TG: variants seen among roughly 807,000 people sequenced by gnomAD.
TG encodes thyroglobulin, also known as thyroid hormones.
A neutral mutation model predicts 324.7 loss-of-function variants in TG; 270 were observed. The ratio of observed to expected loss-of-function variants is 0.83; its 90% CI spans 0.75 to 0.92. The LOEUF (loss-of-function observed/expected upper bound fraction) is 0.92. Among genes scored for constraint, TG ranks in the 40% least tolerant of loss-of-function variants. TG has a pLI of 0.00. For missense variants in TG, 3,591 were observed against 3,456.4 expected, an observed-to-expected ratio of 1.04 and a Z score of -0.98; for synonymous variants, 1,401 against 1,327.0, an observed-to-expected ratio of 1.06 and a Z score of -1.21.
rs146191554 is a variant in TG at position 133,113,447 on chromosome 8, C to G, written c.7598C>G (p.Thr2533Ser). 6.2e-6 allele frequency: 10 copies of G among 1,613,678 alleles called. No homozygotes were observed. The African/African-American group carries it at 1.3e-4, about 22-fold the overall frequency. ...VKQFEESRGR[T>S]SSKTAFYQAL... ...CAATTTGAGGAAAGTCGAGGCCGGA[C>G]CAGTAGCAAAACAGCCTTTTACCAG... The change falls in exon 44 of 48, where the codon ACC (threonine) becomes AGC (serine). Residue 2533 changes from threonine to serine, a missense_variant. Thr to Ser is a moderately conservative substitution (Grantham distance 58). Transcript: ENST00000220616.
rs773515461 is a variant in TG at position 132,983,432 on chromosome 8, A to T, written c.6262+20A>T. On this transcript the variant is annotated intron_variant, in intron 35 of 47. Transcript: ENST00000220616. Reference sequence around the variant, plus strand: ...AGAAAGGTAAGTTCATTGTCTTTTTATCTCTTGGATGAGAGTACCCCCTCA... The same window carrying T: ...AGAAAGGTAAGTTCATTGTCTTTTTTTCTCTTGGATGAGAGTACCCCCTCA... 9 of 1,609,176 alleles carry T rather than the reference A, an allele frequency of 5.6e-6. No homozygotes were observed. In the Admixed American group the frequency reaches 8.3e-5, roughly 15 times the overall value.
At chr8:132,951,812 C>A (rs1157334574) in intron 27 of TG, among the ~76,000 whole-genome samples, 2 of 152,172 alleles carry the variant, frequency 1.3e-5, no homozygotes, top group African/African-American at 4.8e-5. Context: ...GTACGATTAA[C>A]CCCTGGAGGT....
intron 41 of TG, chr8:133,094,690 G>A (rs753991230): frequency 1.6e-5 from 6 of 372,130 alleles, no homozygotes; most frequent in Non-Finnish European, 2.6e-5. Flanking sequence ...TCTTTGCAGA[G>A]TTCTCTTCCC....
intron 16 of TG, among the ~76,000 whole-genome samples, chr8:132,906,061 G>C (rs1209733241): frequency 1.3e-5 from 2 of 152,198 alleles, no homozygotes; most frequent in Non-Finnish European, 2.9e-5. Context: ...CCAGCAGTGG[G>C]GACTGAGTGG....
At chr8:133,102,590 C>A in intron 43 of TG, 1 of 1,550,838 alleles carries the variant, frequency 6.4e-7, no homozygotes. Flanking sequence ...GTTCTCCATT[C>A]GCAGCAAATG....
chr8:133,116,469 T>C (rs1850695996), intron 44 of TG, 140 bp from the exon 45 acceptor site: 2 of 719,476 alleles, frequency 2.8e-6, no homozygotes, highest in Non-Finnish European at 5.0e-6. Context: ...TGCTGGGGAA[T>C]GGGAAGAAGG....
rs145151380 is a variant in TG at position 132,940,849 on chromosome 8, C to T, written c.5042-502C>T. On this transcript the variant is annotated intron_variant, in intron 25 of 47. Coordinates refer to ENST00000220616, the MANE Select transcript of TG (RefSeq NM_003235.5). ...TTTGGTGGCACAAGGCAATGACATG[C>T]TCAGAAAACTGTAGATAGTGCAAGC... Among the ~76,000 whole-genome samples the T allele has an allele frequency of 2.4e-3, 372 of 152,314 alleles. 2 individuals carry two copies. Among genetic ancestry groups the T allele is most frequent in the African/African-American group, 8.4e-3 (351 of 41,570 alleles).
At chr8:133,013,575 T>A (rs369844539) in intron 36 of TG, 25 bp from the exon 37 acceptor site, 3 of 1,613,924 alleles carry the variant, frequency 1.9e-6, no homozygotes, top group Non-Finnish European at 2.5e-6. Flanking sequence ...GGCCCAAGCA[T>A]CACTCTTCTC....
chr8:132,959,121 A>C (rs139281420), intron 27 of TG, among the ~76,000 whole-genome samples: 31 of 152,360 alleles, frequency 2.0e-4, no homozygotes, highest in African/African-American at 7.0e-4. Context: ...CAGAAGTAAA[A>C]TCAAATGAAA....
chr8:132,883,190 C>A (rs1814907755), intron 8 of TG, 191 bp downstream of exon 8: 1 of 634,092 alleles, frequency 1.6e-6, no homozygotes, highest in Non-Finnish European at 2.7e-6. Flanking sequence ...TTGTGTCAGA[C>A]CTCGTTGCAT....
intron 39 of TG, 32 bp from the exon 40 acceptor site, chr8:133,021,959 A>G: frequency 6.2e-7 from 1 of 1,613,706 alleles, no homozygotes; most frequent in Non-Finnish European, 8.5e-7. Context: ...CCCTCCCCAC[A>G]CTTTAGCCTC....
intron 41 of TG, among the ~76,000 whole-genome samples, chr8:133,030,950 G>A (rs1836583177): frequency 6.6e-6 from 1 of 152,250 alleles, no homozygotes; most frequent in African/African-American, 2.4e-5. Context: ...AGTCCATGGG[G>A]AGCCTTCAGA....
chr8:133,033,579 TTCCTGCATGAA>T lies in TG; in HGVS notation c.7239+3572_7239+3582del, dbSNP rs1357326766. 1.4e-4 allele frequency among the ~76,000 whole-genome samples: 22 copies of T among 152,346 alleles called. No homozygotes were observed. The East Asian group carries it at 4.0e-3, about 28-fold the overall frequency. On this transcript the variant is annotated intron_variant, in intron 41 of 47. Coordinates refer to ENST00000220616, the MANE Select transcript of TG (RefSeq NM_003235.5). ...TTTTCTGGTCTTGATTTTTACTCCATTCCTGCATGAATCCTGCATGAATCCTACACTCCAGG... is the reference window on the plus strand; with the variant it reads ...TTTTCTGGTCTTGATTTTTACTCCATTCCTGCATGAATCCTACACTCCAGG...
At chr8:133,079,497 G>A (rs143567396) in intron 41 of TG, among the ~76,000 whole-genome samples, 1 of 152,176 alleles carries the variant, frequency 6.6e-6, no homozygotes. Context: ...GGGTTTCCCA[G>A]GGGAAGCAAT....
Position 132,968,167 on chromosome 8 carries a change from C to T in TG, c.5863+197C>T, listed in dbSNP as rs145655104. Among the ~76,000 whole-genome samples, 35 of 152,062 alleles carry T rather than the reference C, an allele frequency of 2.3e-4. No individual in the cohort carries two copies. The East Asian group carries it at 5.0e-3, about 22-fold the overall frequency. ...TACTACGTAATTGTCTCAGTTTAAA[C>T]AAAAAATATGAAAAAGGGTTATTTG... On this transcript the variant is annotated intron_variant, in intron 31 of 47. Transcript: ENST00000220616.
chr8:132,972,396 A>G (rs550499435), intron 33 of TG: 5 of 625,438 alleles, frequency 8.0e-6, no homozygotes, highest in African/African-American at 3.7e-5. Flanking sequence ...AAGTAGCTCT[A>G]TCCCTTTGCT....
At chr8:132,989,514 G>C (rs747810395) in intron 35 of TG, among the ~76,000 whole-genome samples, 1 of 152,194 alleles carries the variant, frequency 6.6e-6, no homozygotes, top group African/African-American at 2.4e-5. Context: ...GAGATGTCTC[G>C]TTACAGTTTG....
Position 132,969,365 on chromosome 8 carries a change from A to G in TG, c.5864-93A>G, listed in dbSNP as rs554832548. ...AATTTAATATGTCATCTTTAATTGG[A>G]AACTTTCAGTCTGTATTTTACTCAT... On this transcript the variant is annotated intron_variant, in intron 31 of 47. Transcript: ENST00000220616. 1.5e-5 allele frequency: 13 copies of G among 890,280 alleles called. No homozygotes were observed. In the Admixed American group the frequency reaches 1.6e-4, roughly 11 times the overall value. The allele number at this position is 890,280 out of a possible 1,614,324, so 55.1% of individuals were successfully genotyped here. A position where few individuals can be genotyped will look rare whatever the true frequency, so the allele number is the denominator to read the frequency against.
chr8:133,062,213 C>T (rs1353438667), intron 41 of TG, among the ~76,000 whole-genome samples: 1 of 152,180 alleles, frequency 6.6e-6, no homozygotes, highest in East Asian at 1.9e-4. Context: ...TGCCCCTACC[C>T]TCCTCACAAA....
Sources: gnomAD v4.1 joint callset for allele counts (sites outside exome capture counted in the v4.1 genomes callset) on GRCh38, gnomAD v4.1.1 for gene constraint, MANE v1.5 for transcripts, NCBI Gene and HGNC (gene_info 2026-07-23, HGNC 2026-07-21) for gene names.